SPOCK3: variants seen among roughly 807,000 people sequenced by gnomAD.
SPOCK3 encodes SPARC (osteonectin), cwcv and kazal like domains proteoglycan 3.
A neutral mutation model predicts 56.6 loss-of-function variants in SPOCK3; 30 were observed. That is an observed-to-expected ratio of 0.53 (90% CI 0.40 to 0.72). The LOEUF (loss-of-function observed/expected upper bound fraction) is 0.72. SPOCK3 is among the 30% of genes least tolerant of loss of function. The probability of loss-of-function intolerance (pLI) is 0.00; values close to 1 mark genes in which losing one functional copy is unlikely to be tolerated. For missense variants in SPOCK3, 527 were observed against 530.0 expected, an observed-to-expected ratio of 0.99 and a Z score of 0.06; for synonymous variants, 196 against 183.3, an observed-to-expected ratio of 1.07 and a Z score of -0.56.
At chr4:166,874,118 G>A (rs1428590653) in intron 6 of SPOCK3, among the ~76,000 whole-genome samples, 2 of 152,064 alleles carry the variant, frequency 1.3e-5, no homozygotes. Context: ...TAAAGATAAT[G>A]TCTTTCTCTG....
At chr4:166,875,055 T>C (rs1732935740) in intron 6 of SPOCK3, among the ~76,000 whole-genome samples, 2 of 151,776 alleles carry the variant, frequency 1.3e-5, no homozygotes, top group Admixed American at 6.6e-5. Flanking sequence ...GAGTGAGTGA[T>C]CTACAAGTTT....
At chr4:167,054,354 T>G (rs192186552) in intron 3 of SPOCK3, among the ~76,000 whole-genome samples, 2 of 152,358 alleles carry the variant, frequency 1.3e-5, no homozygotes, top group East Asian at 3.9e-4. Context: ...AAAGCATTGA[T>G]TAATTGTTTA....
At chr4:166,919,727 A>G (rs1448250541) in intron 4 of SPOCK3, among the ~76,000 whole-genome samples, 3 of 152,234 alleles carry the variant, frequency 2.0e-5, no homozygotes, top group Non-Finnish European at 4.4e-5. Flanking sequence ...ATAATGGACA[A>G]GAAATCTTTA....
intron 6 of SPOCK3, among the ~76,000 whole-genome samples, chr4:166,814,055 A>C (rs185124393): frequency 2.6e-5 from 4 of 152,236 alleles, no homozygotes; most frequent in Admixed American, 1.3e-4. Context: ...CCTTAAAATC[A>C]GCAACTTACA....
intron 5 of SPOCK3, among the ~76,000 whole-genome samples, chr4:166,907,027 CATAA>C (rs1736700511): frequency 6.6e-6 from 1 of 151,890 alleles, no homozygotes; most frequent in African/African-American, 2.4e-5. Flanking sequence ...ATATGGTCTA[CATAA>C]ATGTTTGATT....
chr4:166,996,305 T>A (rs963515998), intron 4 of SPOCK3, among the ~76,000 whole-genome samples: 3 of 152,160 alleles, frequency 2.0e-5, no homozygotes, highest in African/African-American at 7.2e-5. Flanking sequence ...CCTTTTAATA[T>A]CAGCAGCATC....
chr4:167,221,123 G>T (rs1332097495), intron 2 of SPOCK3, among the ~76,000 whole-genome samples: 2 of 151,950 alleles, frequency 1.3e-5, no homozygotes, highest in Non-Finnish European at 2.9e-5. Context: ...ACTCTGGGAG[G>T]CTGAGGCGGG....
intron 7 of SPOCK3, among the ~76,000 whole-genome samples, chr4:166,763,607 ATAGGTAGAAT>A (rs1737542585): frequency 6.6e-6 from 1 of 152,128 alleles, no homozygotes; most frequent in Non-Finnish European, 1.5e-5. Flanking sequence ...AGTGTACAAC[ATAGGTAGAAT>A]TAAATGTATG....
intron 6 of SPOCK3, among the ~76,000 whole-genome samples, chr4:166,875,508 C>G (rs1005293132): frequency 6.6e-6 from 1 of 152,110 alleles, no homozygotes; most frequent in Non-Finnish European, 1.5e-5. Flanking sequence ...ATTTACCATA[C>G]TATTTAACAA....
chr4:166,789,906 G>C (rs1741153200), intron 7 of SPOCK3, among the ~76,000 whole-genome samples: 1 of 152,082 alleles, frequency 6.6e-6, no homozygotes, highest in Admixed American at 6.6e-5. Context: ...TAAAATGCAT[G>C]CACATTTTGA....
intron 2 of SPOCK3, among the ~76,000 whole-genome samples, chr4:167,152,706 A>C (rs972045679): frequency 6.6e-6 from 1 of 152,220 alleles, no homozygotes. Flanking sequence ...AGGATAAATC[A>C]TATTTCTAAA....
At chr4:166,851,780 A>G (rs1280134319) in intron 6 of SPOCK3, among the ~76,000 whole-genome samples, 2 of 151,916 alleles carry the variant, frequency 1.3e-5, no homozygotes, top group African/African-American at 4.8e-5. Context: ...CATTTGACCC[A>G]GCCATCCCAT....
intron 6 of SPOCK3, among the ~76,000 whole-genome samples, chr4:166,798,709 G>C (rs976334468): frequency 3.3e-5 from 5 of 152,086 alleles, no homozygotes; most frequent in Admixed American, 1.3e-4. Flanking sequence ...AATATTCTAA[G>C]AAAAGACAGT....
rs190637226 is a variant in SPOCK3, at chr4:166,900,076, C to T, written c.475-10832G>A. Among the ~76,000 whole-genome samples the T allele has an allele frequency of 1.3e-3, 193 of 152,258 alleles. 2 individuals are homozygous for T. The Middle Eastern group carries it at 0.017, about 13-fold the overall frequency. ...TCTCCTACCTGTGGGACTCCACAAC[C>T]CTCATGAGCACCTTGAGCTACAAAC... On this transcript the variant is annotated intron_variant, in intron 5 of 10. Transcript: ENST00000357545.
At chr4:166,879,396 C>T (rs1162920309) in intron 6 of SPOCK3, among the ~76,000 whole-genome samples, 2 of 152,054 alleles carry the variant, frequency 1.3e-5, no homozygotes, top group African/African-American at 4.8e-5. Flanking sequence ...ATTAGCCAGG[C>T]ATGGTGGCGT....
At chr4:166,821,794 T>C (rs961226247) in intron 6 of SPOCK3, among the ~76,000 whole-genome samples, 4 of 152,038 alleles carry the variant, frequency 2.6e-5, no homozygotes, top group African/African-American at 7.2e-5. Context: ...TTGGGGATAA[T>C]GTAAATTTTC....
chr4:166,920,948 C>T (rs1738414633), intron 4 of SPOCK3, among the ~76,000 whole-genome samples: 1 of 152,118 alleles, frequency 6.6e-6, no homozygotes, highest in Admixed American at 6.6e-5. Flanking sequence ...TAAGGACCAT[C>T]CAAAGTTCAG....
intron 7 of SPOCK3, among the ~76,000 whole-genome samples, chr4:166,784,014 C>T (rs1740468001): frequency 6.6e-6 from 1 of 151,596 alleles, no homozygotes; most frequent in Non-Finnish European, 1.5e-5. Context: ...TCCGATAGTT[C>T]AGATGACTGG....
At chr4:166,845,615 G>C (rs893920772) in intron 6 of SPOCK3, among the ~76,000 whole-genome samples, 12 of 152,164 alleles carry the variant, frequency 7.9e-5, no homozygotes, top group Non-Finnish European at 5.9e-5. Flanking sequence ...GTAGAAAACA[G>C]GGTTGGGAGC....
Sources: allele counts gnomAD v4.1 joint callset (sites outside exome capture counted in the v4.1 genomes callset), GRCh38; gene constraint gnomAD v4.1.1; transcripts MANE v1.5; gene names NCBI Gene and HGNC (gene_info 2026-07-23, HGNC 2026-07-21).